The following JAZF1 variants were observed in gnomAD, a reference collection of about 807,000 sequenced individuals.
JAZF1 encodes the protein JAZF zinc finger 1, also known as juxtaposed with another zinc finger protein 1.
JAZF1 carries 8 observed loss-of-function variants against 26.4 expected under a neutral mutation model. The observed-to-expected ratio is 0.30, with a 90% confidence interval of 0.18 to 0.55. The LOEUF is 0.55. JAZF1 is among the 20% of genes least tolerant of loss of function. JAZF1 has a pLI of 0.94. For synonymous variants in JAZF1, 126 were observed against 122.3 expected (o/e 1.03, Z -0.20); for missense variants, 199 against 322.0 (o/e 0.62, Z 2.92).
intron 3 of JAZF1, among the ~76,000 whole-genome samples, chr7:27,892,309 CA>C (rs1395607298): frequency 6.6e-6 from 1 of 152,166 alleles, no homozygotes; most frequent in Non-Finnish European, 1.5e-5. Flanking sequence ...ACATCTTTAC[CA>C]CAACATAAAT....
intron 2 of JAZF1, among the ~76,000 whole-genome samples, chr7:27,975,515 G>C (rs1306619799): frequency 6.6e-6 from 1 of 152,192 alleles, no homozygotes; most frequent in Admixed American, 6.5e-5. Flanking sequence ...ACACCCAGGA[G>C]AGGACACAGC....
intron 1 of JAZF1, among the ~76,000 whole-genome samples, chr7:28,169,327 A>T (rs1783418308): frequency 6.6e-6 from 1 of 152,240 alleles, no homozygotes. Flanking sequence ...TCTGGGCAGA[A>T]TATTGAGACA....
intron 1 of JAZF1, among the ~76,000 whole-genome samples, chr7:28,118,518 AT>A (rs764504838): frequency 2.0e-5 from 3 of 152,108 alleles, no homozygotes; most frequent in Non-Finnish European, 4.4e-5. Context: ...AAAAAAGAGT[AT>A]TTTTTAACAA....
chr7:27,984,603 C>G (rs1785659158), intron 2 of JAZF1, among the ~76,000 whole-genome samples: 1 of 152,188 alleles, frequency 6.6e-6, no homozygotes, highest in South Asian at 2.1e-4. Flanking sequence ...CCAAGCGGAC[C>G]TAATAGACAT....
intron 2 of JAZF1, among the ~76,000 whole-genome samples, chr7:27,912,484 G>C (rs996779088): frequency 6.6e-6 from 1 of 152,102 alleles, no homozygotes; most frequent in Non-Finnish European, 1.5e-5. Flanking sequence ...CCTATCGAAC[G>C]ATAGGAGTCC....
chr7:28,019,321 A>C (rs1390878569), intron 1 of JAZF1, among the ~76,000 whole-genome samples: 1 of 152,154 alleles, frequency 6.6e-6, no homozygotes, highest in Non-Finnish European at 1.5e-5. Flanking sequence ...GATTAAGCAT[A>C]ATCTTACCGT....
intron 2 of JAZF1, among the ~76,000 whole-genome samples, chr7:27,930,057 G>A (rs1453097746): frequency 2.6e-5 from 4 of 151,610 alleles, no homozygotes; most frequent in Admixed American, 1.3e-4. Context: ...GTCCAGTGGT[G>A]CGATCTCGGC....
intron 1 of JAZF1, among the ~76,000 whole-genome samples, chr7:28,069,672 GA>G (rs1449891696): frequency 1.3e-5 from 2 of 152,142 alleles, no homozygotes; most frequent in Non-Finnish European, 2.9e-5. Context: ...TAAGGGGGGA[GA>G]AAACTAATCT....
At chr7:28,089,563 G>C (rs368040893) in intron 1 of JAZF1, among the ~76,000 whole-genome samples, 5 of 152,162 alleles carry the variant, frequency 3.3e-5, no homozygotes, top group African/African-American at 1.2e-4. Context: ...AGAAAATGTT[G>C]ACATTGCTGT....
At chr7:27,963,860 C>A (rs1785227939) in intron 2 of JAZF1, among the ~76,000 whole-genome samples, 1 of 152,248 alleles carries the variant, frequency 6.6e-6, no homozygotes, top group African/African-American at 2.4e-5. Flanking sequence ...AGCCAACATG[C>A]CAGGCAATGG....
intron 3 of JAZF1, among the ~76,000 whole-genome samples, chr7:27,867,978 G>A (rs1267767706): frequency 6.6e-6 from 1 of 152,174 alleles, no homozygotes; most frequent in Non-Finnish European, 1.5e-5. Flanking sequence ...GACACTCTGT[G>A]ACCGACTAGC....
chr7:27,849,921 T>A (rs1423995101), intron 3 of JAZF1, among the ~76,000 whole-genome samples: 2 of 152,172 alleles, frequency 1.3e-5, no homozygotes, highest in Non-Finnish European at 2.9e-5. Context: ...CTGCCCGCAG[T>A]TCCCTTTGCT....
rs114078057 is a variant in JAZF1, at chr7:27,947,053, G to A, written c.188+44856C>T. ...TTCAAGCAAACTTGGCTGAAGTCTA[G>A]ATCATTTTATAGTGGAATCACAAAG... On this transcript the variant is annotated intron_variant, in intron 2 of 4. Coordinates refer to ENST00000283928, the MANE Select transcript of JAZF1 (RefSeq NM_175061.4). 5.8e-3 allele frequency among the ~76,000 whole-genome samples: 877 copies of A among 152,322 alleles called. 9 individuals are homozygous for A. Among genetic ancestry groups the A allele is most frequent in the African/African-American group, 0.02 (839 of 41,570 alleles).
At chr7:27,940,612 G>C (rs1020664913) in intron 2 of JAZF1, among the ~76,000 whole-genome samples, 15 of 152,180 alleles carry the variant, frequency 9.9e-5, no homozygotes, top group African/African-American at 3.6e-4. Flanking sequence ...ATGCCAACCA[G>C]TCCACGAGAA....
chr7:27,956,344 C>T (rs544404231), intron 2 of JAZF1, among the ~76,000 whole-genome samples: 1 of 152,284 alleles, frequency 6.6e-6, no homozygotes, highest in South Asian at 2.1e-4. Flanking sequence ...ACTTCCCTCA[C>T]TGATTCTGCC....
chr7:28,179,334 T>G (rs1166793256), intron 1 of JAZF1, among the ~76,000 whole-genome samples: 1 of 152,130 alleles, frequency 6.6e-6, no homozygotes, highest in African/African-American at 2.4e-5. Context: ...TGTGAAAATG[T>G]GTGCAATGAC....
chr7:28,103,485 G>C (rs1444832559), intron 1 of JAZF1, among the ~76,000 whole-genome samples: 9 of 152,086 alleles, frequency 5.9e-5, no homozygotes, highest in African/African-American at 2.2e-4. Flanking sequence ...GCCCACTGAA[G>C]ATTATCATTT....
intron 1 of JAZF1, among the ~76,000 whole-genome samples, chr7:28,134,678 T>G (rs976698220): frequency 6.6e-6 from 1 of 152,108 alleles, no homozygotes; most frequent in African/African-American, 2.4e-5. Context: ...TCCTGGTTCC[T>G]GCAGGCCATC....
intron 1 of JAZF1, among the ~76,000 whole-genome samples, chr7:28,052,516 C>T (rs1783632883): frequency 6.6e-6 from 1 of 152,194 alleles, no homozygotes; most frequent in South Asian, 2.1e-4. Flanking sequence ...ACCTCACCTA[C>T]AAGTGGCTTC....
Sources: allele counts gnomAD v4.1 joint callset (sites outside exome capture counted in the v4.1 genomes callset), GRCh38; gene constraint gnomAD v4.1.1; transcripts MANE v1.5; gene names NCBI Gene and HGNC (gene_info 2026-07-23, HGNC 2026-07-21).